The following CSMD1 variants were observed in gnomAD, a reference collection of about 807,000 sequenced individuals.
CSMD1 encodes CUB and sushi domain-containing protein 1.
In CSMD1, 213 loss-of-function variants were observed where a neutral mutation model predicts 417.5. That is an observed-to-expected ratio of 0.51 (90% CI 0.46 to 0.57). The LOEUF is 0.57. Ranked by LOEUF, CSMD1 falls within the 20% of genes least tolerant of loss-of-function variation. The pLI is 0.00. For missense variants in CSMD1, 6,923 were observed against 4,529.7 expected (o/e 1.53, Z -15.17); for synonymous variants, 2,862 against 1,736.8 (o/e 1.65, Z -16.11).
intron 5 of CSMD1, among the ~76,000 whole-genome samples, chr8:3,923,191 G>C (rs565775689): frequency 1.3e-5 from 2 of 152,232 alleles, no homozygotes; most frequent in East Asian, 3.9e-4. Context: ...GTGCACTAAT[G>C]AGTGGCTGAC....
intron 1 of CSMD1, among the ~76,000 whole-genome samples, chr8:4,694,487 G>C (rs936273080): frequency 1.3e-5 from 2 of 151,966 alleles, no homozygotes; most frequent in African/African-American, 2.4e-5. Context: ...AAGTAGCTGG[G>C]GCTATCTATA....
At position 3,255,980 on chromosome 8, in the gene CSMD1, G is replaced by C. The variant is rs144913786; in HGVS notation, c.4154-25749C>G. On this transcript the variant is annotated intron_variant, in intron 26 of 69. Coordinates refer to ENST00000635120, the MANE Select transcript of CSMD1 (RefSeq NM_033225.6). Reference sequence around the variant, plus strand: ...CGTTCATGCTGGGAGCTGTAGACTGGAGCTGTTCCTATTCGGCCATCTTGG... The same window carrying C: ...CGTTCATGCTGGGAGCTGTAGACTGCAGCTGTTCCTATTCGGCCATCTTGG... Among the ~76,000 whole-genome samples, 1,312 of 152,204 alleles carry C rather than the reference G, an allele frequency of 8.6e-3. 30 individuals carry two copies. Among genetic ancestry groups the C allele is most frequent in the African/African-American group, 0.03 (1,250 of 41,522 alleles).
At position 3,563,866 on chromosome 8, in the gene CSMD1, G is replaced by A. The variant is rs567020636; in HGVS notation, c.1344+11079C>T. ...AGTATGCCATCGCACTCCAGCCTAG[G>A]TGACAGAACTAGACTCCGTCTCAAA... On this transcript the variant is annotated intron_variant, in intron 10 of 69. Coordinates refer to ENST00000635120, the MANE Select transcript of CSMD1 (RefSeq NM_033225.6). Among the ~76,000 whole-genome samples, 58 of 152,246 alleles carry A rather than the reference G, an allele frequency of 3.8e-4. No homozygotes were observed. The South Asian group carries it at 0.012, about 31-fold the overall frequency.
chr8:4,455,751 T>A (rs1215813704), intron 2 of CSMD1, among the ~76,000 whole-genome samples: 1 of 151,094 alleles, frequency 6.6e-6, no homozygotes, highest in African/African-American at 2.4e-5. Context: ...GCCAACATGG[T>A]GAAACCCCGT....
intron 1 of CSMD1, among the ~76,000 whole-genome samples, chr8:4,826,855 G>A (rs2117416232): frequency 6.6e-6 from 1 of 152,184 alleles, no homozygotes; most frequent in African/African-American, 2.4e-5. Flanking sequence ...AGTGCCAGCT[G>A]ACGGATAAGA....
intron 52 of CSMD1, among the ~76,000 whole-genome samples, chr8:3,001,495 C>T (rs541547772): frequency 6.6e-6 from 1 of 152,092 alleles, no homozygotes. Flanking sequence ...TTTGGAGTCA[C>T]AAGAAGAGGA....
In CSMD1 at chr8:3,468,693, A is replaced by G; in HGVS notation, c.1561+19T>C. ...TGGAATGCTAACTTCCAACCCTGTG[A>G]AGTGTAATCTCATCATACCTTGGTA... On this transcript the variant is annotated intron_variant, in intron 12 of 69. Coordinates refer to ENST00000635120, the MANE Select transcript of CSMD1 (RefSeq NM_033225.6). 6.7e-7 allele frequency: 1 copy of G among 1,500,472 alleles called. No individual in the cohort carries two copies. Among genetic ancestry groups the G allele is most frequent in the Non-Finnish European group, 9.2e-7 (1 of 1,089,234 alleles). The allele number at this position is 1,500,472 out of a possible 1,614,324, so 92.9% of individuals were successfully genotyped here. A position where few individuals can be genotyped will look rare whatever the true frequency, so the allele number is the denominator to read the frequency against.
At chr8:3,816,260 T>C (rs909005073) in intron 5 of CSMD1, among the ~76,000 whole-genome samples, 9 of 152,192 alleles carry the variant, frequency 5.9e-5, no homozygotes, top group African/African-American at 1.9e-4. Flanking sequence ...TGCATTCATT[T>C]TCTCCACATT....
At chr8:3,416,027 C>T (rs1020262845) in intron 12 of CSMD1, among the ~76,000 whole-genome samples, 18 of 152,048 alleles carry the variant, frequency 1.2e-4, no homozygotes, top group African/African-American at 2.4e-4. Context: ...CTTGGCTGGG[C>T]GCGGCGGCTC....
At chr8:3,513,853 A>G (rs1797178709) in intron 10 of CSMD1, among the ~76,000 whole-genome samples, 1 of 152,196 alleles carries the variant, frequency 6.6e-6, no homozygotes, top group Non-Finnish European at 1.5e-5. Flanking sequence ...TGGAGAGAAG[A>G]TCCTGGAGTA....
chr8:4,515,463 T>G (rs551530166), intron 2 of CSMD1, among the ~76,000 whole-genome samples: 2 of 152,306 alleles, frequency 1.3e-5, no homozygotes, highest in Admixed American at 6.5e-5. Context: ...ATATCTGATC[T>G]GGATTTAAAA....
chr8:3,788,415 T>G (rs555564216), intron 5 of CSMD1, among the ~76,000 whole-genome samples: 98 of 152,278 alleles, frequency 6.4e-4, no homozygotes, highest in African/African-American at 2.2e-3. Flanking sequence ...GTGAGGCTTC[T>G]GGAGGTGCCC....
intron 1 of CSMD1, among the ~76,000 whole-genome samples, chr8:4,888,509 G>T (rs924740103): frequency 6.7e-6 from 1 of 149,982 alleles, no homozygotes; most frequent in Non-Finnish European, 1.5e-5. Context: ...ATAGATGAGA[G>T]AGAGAGAGAG....
intron 3 of CSMD1, among the ~76,000 whole-genome samples, chr8:4,136,594 C>G (rs886452960): frequency 2.6e-5 from 4 of 152,200 alleles, no homozygotes; most frequent in Non-Finnish European, 4.4e-5. Flanking sequence ...GATGCCAATT[C>G]CAGCCAGCAA....
intron 6 of CSMD1, among the ~76,000 whole-genome samples, chr8:3,728,873 G>A (rs901677741): frequency 2.6e-5 from 4 of 152,162 alleles, no homozygotes; most frequent in Admixed American, 2.6e-4. Flanking sequence ...GACTAAGGCA[G>A]GGATACTGGC....
intron 2 of CSMD1, among the ~76,000 whole-genome samples, chr8:4,565,803 CAT>C (rs1375114056): frequency 1.0e-5 from 1 of 96,958 alleles, no homozygotes; most frequent in African/African-American, 4.3e-5. Flanking sequence ...TATATGTATA[CAT>C]ATATATATTA....
chr8:3,674,701 A>G (rs566591302), intron 7 of CSMD1, among the ~76,000 whole-genome samples: 2 of 152,248 alleles, frequency 1.3e-5, no homozygotes, highest in African/African-American at 4.8e-5. Context: ...AGAGAATGAG[A>G]TGAGAGCCCC....
At position 4,637,477 on chromosome 8, in the gene CSMD1, G is replaced by C. The variant is rs753799956; in HGVS notation, c.167C>G (p.Ala56Gly). The C allele has an allele frequency of 3.7e-6, 6 of 1,613,626 alleles. No homozygotes were observed. Among genetic ancestry groups the C allele is most frequent in the Admixed American group, 3.3e-5 (2 of 59,994 alleles). The change falls in exon 2 of 70, where the codon GCC becomes GGC. Residue 56 changes from alanine (A) to glycine (G), a missense_variant. Physicochemically the swap from Ala to Gly is moderately conservative, Grantham distance 60 (BLOSUM62 0). Coordinates refer to ENST00000635120, the MANE Select transcript of CSMD1 (RefSeq NM_033225.6). ...PGFPHGYPNY[A>G]NCTWIIITGE... Reference sequence around the variant, plus strand: ...CGTGATGATGATCCAGGTGCAGTTGGCATAGTTCGGATACCCGTGAGGAAA... The same window carrying C: ...CGTGATGATGATCCAGGTGCAGTTGCCATAGTTCGGATACCCGTGAGGAAA...
intron 1 of CSMD1, among the ~76,000 whole-genome samples, chr8:4,917,007 T>G (rs777154124): frequency 6.6e-6 from 1 of 152,194 alleles, no homozygotes; most frequent in African/African-American, 2.4e-5. Flanking sequence ...TACCTTGCTA[T>G]AAATAACCAC....
Sources: gnomAD v4.1 joint callset for allele counts (sites outside exome capture counted in the v4.1 genomes callset) on GRCh38, gnomAD v4.1.1 for gene constraint, MANE v1.5 for transcripts, NCBI Gene and HGNC (gene_info 2026-07-23, HGNC 2026-07-21) for gene names.